The following LHX4 variants were observed in gnomAD, a reference collection of about 807,000 sequenced individuals.
LHX4 encodes the protein LIM homeobox 4, also known as LIM/homeobox protein Lhx4.
Under a neutral mutation model 39.2 loss-of-function variants are expected in LHX4, and 16 were observed. The ratio of observed to expected loss-of-function variants is 0.41; its 90% CI spans 0.28 to 0.62. The LOEUF (loss-of-function observed/expected upper bound fraction) is 0.62, where lower values mean the gene tolerates loss of function less well. Among genes scored for constraint, LHX4 ranks in the 20% least tolerant of loss-of-function variants. LHX4 has a pLI of 0.33. For missense variants in LHX4, 439 were observed against 511.9 expected (o/e 0.86, Z 1.37); for synonymous variants, 206 against 198.1 (o/e 1.04, Z -0.33).
rs1664272131 is a variant in LHX4 at position 180,234,775 on chromosome 1, G to C, written c.76+4170G>C. 6.6e-6 allele frequency among the ~76,000 whole-genome samples: 1 copy of C among 152,230 alleles called. No homozygotes were observed. Among genetic ancestry groups the C allele is most frequent in the Non-Finnish European group, 1.5e-5 (1 of 68,038 alleles). ...CTAACTCAAGTTTATTTCCTCTCTT[G>C]GCCGAGGTCCGGGCTCGTGGAAAAC... On this transcript the variant is annotated intron_variant, in intron 1 of 5. Transcript: ENST00000263726. This position sits in a 1 kb window ranked among gnomAD's most constrained non-coding sequence, Gnocchi z 4.8.
intron 1 of LHX4, among the ~76,000 whole-genome samples, chr1:180,235,975 G>T (rs1297448807): frequency 6.6e-6 from 1 of 152,186 alleles, no homozygotes; most frequent in African/African-American, 2.4e-5. Context: ...TAGAAAAGCC[G>T]TGAAGGGATA....
rs780299550 is a variant in LHX4, at chr1:180,248,290, C to A, written c.82C>A (p.Pro28Thr). 6.2e-7 allele frequency: 1 copy of A among 1,614,042 alleles called. No homozygotes were observed. Among genetic ancestry groups the A allele is most frequent in the Non-Finnish European group, 8.5e-7 (1 of 1,179,988 alleles). The change falls in exon 2 of 6, where the codon CCC (proline) becomes ACC (threonine). Residue 28 changes from proline to threonine, a missense_variant. Pro to Thr is a conservative substitution (Grantham distance 38). Transcript: ENST00000263726. Reference protein sequence around the residue: ...EMLGVPMQQIPQCAGCNQHIL... With the variant: ...EMLGVPMQQITQCAGCNQHIL... The stretch of plus-strand genomic sequence containing the variant: ...CTCTCTCCTCTTCCTCACAGAGATT[C>A]CCCAGTGCGCTGGCTGCAACCAGCA...
rs1648307745 is a variant in LHX4, at chr1:180,266,270, T to C, written c.249-122T>C. The C allele has an allele frequency of 2.2e-6, 2 of 904,978 alleles. No individual in the cohort carries two copies. The highest frequency in any genetic ancestry group is 3.6e-6 in the Non-Finnish European group (2 of 553,800). 56.1% of individuals were successfully genotyped at this position (904,978 alleles called of 1,614,324 possible). On this transcript the variant is annotated intron_variant, in intron 2 of 5. Transcript: ENST00000263726. This position sits in a 1 kb window ranked among gnomAD's most constrained non-coding sequence, Gnocchi z 5.7. The stretch of plus-strand genomic sequence containing the variant: ...GACCAGACGGTAAGCTCTGGGTGAC[T>C]GGGGGGTGAGGCTCATGGAGTCCCG...
chr1:180,241,089 A>G (rs1214059361), intron 1 of LHX4, among the ~76,000 whole-genome samples: 1 of 152,232 alleles, frequency 6.6e-6, no homozygotes, highest in Non-Finnish European at 1.5e-5. Flanking sequence ...TCACCTGGAT[A>G]CATTACAGCA....
At chr1:180,253,835 C>G (rs886260061) in intron 2 of LHX4, among the ~76,000 whole-genome samples, 1 of 152,170 alleles carries the variant, frequency 6.6e-6, no homozygotes, top group African/African-American at 2.4e-5. Context: ...CTTTCCTGGT[C>G]TCCCCTGTAC....
intron 1 of LHX4, among the ~76,000 whole-genome samples, chr1:180,233,938 C>T (rs989381395): frequency 1.1e-4 from 17 of 151,620 alleles, no homozygotes; most frequent in South Asian, 2.1e-4. Context: ...CTGGGACTTC[C>T]TCTCCTGGGG....
chr1:180,257,602 C>G lies in LHX4; in HGVS notation c.249-8790C>G, dbSNP rs566516767. 1.6e-4 allele frequency among the ~76,000 whole-genome samples: 25 copies of G among 152,278 alleles called. No individual in the cohort carries two copies. In the East Asian group the frequency reaches 4.8e-3, roughly 29 times the overall value. On this transcript the variant is annotated intron_variant, in intron 2 of 5. Coordinates refer to ENST00000263726, the MANE Select transcript of LHX4 (RefSeq NM_033343.4). ...TATATGTTGGAAATATTGGTACATACAGTAACAGTAAATATCAGCAACTTT... is the reference window on the plus strand; with the variant it reads ...TATATGTTGGAAATATTGGTACATAGAGTAACAGTAAATATCAGCAACTTT...
chr1:180,272,182 G>T (rs1388194029), intron 5 of LHX4, among the ~76,000 whole-genome samples, 176 bp downstream of exon 5: 1 of 152,058 alleles, frequency 6.6e-6, no homozygotes, highest in African/African-American at 2.4e-5. Flanking sequence ...CTTTACCATG[G>T]GACAGGAGTA....
intron 2 of LHX4, among the ~76,000 whole-genome samples, chr1:180,258,529 T>C (rs1319419880): frequency 6.6e-6 from 1 of 152,150 alleles, no homozygotes; most frequent in Non-Finnish European, 1.5e-5. Context: ...GAAGTGCCTG[T>C]AGGGGCATGG....
chr1:180,264,397 ACAC>A (rs1648230352), intron 2 of LHX4, among the ~76,000 whole-genome samples: 1 of 151,658 alleles, frequency 6.6e-6, no homozygotes, highest in African/African-American at 2.4e-5. Context: ...ACACACACAC[ACAC>A]ACACACACAC....
In LHX4 at chr1:180,234,192, TATATATATATATATATATATATATATATA is replaced by T. The variant is rs1558207153; in HGVS notation, c.76+3591_76+3619del. The stretch of plus-strand genomic sequence containing the variant: ...AATTATATATATATATATATATATA[TATATATATATATATATATATATATATATA>T]ATAGATTGAGATTCTATCATATTCC... On this transcript the variant is annotated intron_variant, in intron 1 of 5. Coordinates refer to ENST00000263726, the MANE Select transcript of LHX4 (RefSeq NM_033343.4). This position sits in a 1 kb window ranked among gnomAD's most constrained non-coding sequence, Gnocchi z 4.8. 0.035 allele frequency among the ~76,000 whole-genome samples: 2,637 copies of T among 75,134 alleles called. 161 individuals carry two copies. Among genetic ancestry groups the T allele is most frequent in the African/African-American group, 0.13 (2,496 of 18,722 alleles). The allele number at this position is 75,134 out of a possible 152,430, so 49.3% of individuals were successfully genotyped here.
At chr1:180,230,186 G>T (rs992388024), upstream of LHX4, 4 of 399,900 alleles carry the variant, frequency 1.0e-5, no homozygotes. This position sits in a 1 kb window ranked among gnomAD's most constrained non-coding sequence, Gnocchi z 5.8. Flanking sequence ...GGTGACCGCG[G>T]CCTCCCGGGC....
At chr1:180,265,148 A>G (rs529614681) in intron 2 of LHX4, among the ~76,000 whole-genome samples, 6 of 152,330 alleles carry the variant, frequency 3.9e-5, no homozygotes, top group African/African-American at 9.6e-5. Flanking sequence ...TGAAATATGT[A>G]CTGTCCTTTC....
chr1:180,255,364 G>A (rs534443694), intron 2 of LHX4, among the ~76,000 whole-genome samples: 50 of 152,160 alleles, frequency 3.3e-4, no homozygotes, highest in African/African-American at 5.1e-4. Flanking sequence ...ATGTATACAC[G>A]CACACACACA....
intron 2 of LHX4, among the ~76,000 whole-genome samples, chr1:180,261,138 T>C (rs1338873865): frequency 6.6e-6 from 1 of 151,808 alleles, no homozygotes; most frequent in African/African-American, 2.4e-5. Context: ...ACACCTGTAA[T>C]TCCAGTGCTT....
At chr1:180,231,186 T>G (rs1048680371) in intron 1 of LHX4, among the ~76,000 whole-genome samples, 3 of 151,240 alleles carry the variant, frequency 2.0e-5, no homozygotes, top group Admixed American at 6.6e-5. Flanking sequence ...GACTGCTCCT[T>G]GTGAGGGAAT....
intron 1 of LHX4, among the ~76,000 whole-genome samples, chr1:180,235,364 C>G (rs1321538134): frequency 6.6e-6 from 1 of 152,256 alleles, no homozygotes; most frequent in East Asian, 1.9e-4. Flanking sequence ...CAAGGATAGG[C>G]GCGGCAGGCG....
At chr1:180,257,477 C>T (rs1021688334) in intron 2 of LHX4, among the ~76,000 whole-genome samples, 5 of 152,194 alleles carry the variant, frequency 3.3e-5, no homozygotes, top group African/African-American at 1.2e-4. Flanking sequence ...GTCAGGCCTT[C>T]TCCAAATAGG....
chr1:180,229,754 C>G (rs1038193819), upstream of LHX4, among the ~76,000 whole-genome samples: 883 of 151,714 alleles, frequency 5.8e-3, 13 homozygotes, highest in African/African-American at 0.02. Flanking sequence ...CCGCCTGCCC[C>G]GCTCGGCCCC....
Sources: allele counts gnomAD v4.1 joint callset (sites outside exome capture counted in the v4.1 genomes callset), GRCh38; gene constraint gnomAD v4.1.1; non-coding constraint Gnocchi (gnomAD v3.1); transcripts MANE v1.5; gene names NCBI Gene and HGNC (gene_info 2026-07-23, HGNC 2026-07-21).